The following FLI1 variants were observed in gnomAD, a reference collection of about 807,000 sequenced individuals.
FLI1 encodes the protein Friend leukemia integration 1 transcription factor.
A neutral mutation model predicts 53.1 loss-of-function variants in FLI1; 13 were observed. The ratio of observed to expected loss-of-function variants is 0.24; its 90% CI spans 0.16 to 0.39. The LOEUF (loss-of-function observed/expected upper bound fraction) is 0.39. FLI1 is among the 10% of genes least tolerant of loss of function. FLI1 has a pLI of 1.00. For missense variants in FLI1, 424 were observed against 600.5 expected (o/e 0.71, Z 3.07); for synonymous variants, 244 against 236.7 (o/e 1.03, Z -0.28).
chr11:128,770,125 G>A (rs1941498621), intron 3 of FLI1, among the ~76,000 whole-genome samples: 1 of 152,176 alleles, frequency 6.6e-6, no homozygotes, highest in Non-Finnish European at 1.5e-5. Context: ...GGGCAGAAGT[G>A]GCCAGACTGC....
intron 1 of FLI1, among the ~76,000 whole-genome samples, chr11:128,701,017 T>A (rs1938309579): frequency 6.6e-6 from 1 of 152,224 alleles, no homozygotes; most frequent in South Asian, 2.1e-4. Flanking sequence ...AAGATGGAAG[T>A]GGCTCCATCA....
At chr11:128,686,625 G>A in exon 1 of FLI1, 2 of 380,346 alleles carry the variant, frequency 5.3e-6, no homozygotes, top group Middle Eastern at 3.7e-4. Flanking sequence ...TCCCTCCCAG[G>A]CTGGTTCTTG....
At chr11:128,722,467 G>T (rs1364873403) in intron 1 of FLI1, among the ~76,000 whole-genome samples, 1 of 152,216 alleles carries the variant, frequency 6.6e-6, no homozygotes, top group Admixed American at 6.5e-5. Context: ...TTCCTGCTGT[G>T]CCCACTGCCC....
intron 3 of FLI1, among the ~76,000 whole-genome samples, chr11:128,769,447 G>A (rs1006381632): frequency 6.6e-6 from 1 of 152,180 alleles, no homozygotes; most frequent in African/African-American, 2.4e-5. Flanking sequence ...GTAGTCCGAA[G>A]GCATCTGCTT....
rs370476192 is a variant in FLI1 at position 128,745,683 on chromosome 11, G to A, written c.19-12432G>A. Among the ~76,000 whole-genome samples the A allele has an allele frequency of 7.2e-5, 11 of 152,346 alleles. No individual in the cohort carries two copies. The South Asian group carries it at 2.1e-3, about 29-fold the overall frequency. On this transcript the variant is annotated intron_variant, in intron 1 of 8. Coordinates refer to ENST00000527786, the MANE Select transcript of FLI1 (RefSeq NM_002017.5). ...AATAAAATGGATGCACGCCTCATCT[G>A]TGCGTCGAGTTGAAGCGGCATTCTT...
chr11:128,694,137 A>T lies in FLI1; in HGVS notation c.-122A>T, dbSNP rs1937906739. 9.4e-7 allele frequency: 1 copy of T among 1,065,396 alleles called. No individual in the cohort carries two copies. Among genetic ancestry groups the T allele is most frequent in the Non-Finnish European group, 1.3e-6 (1 of 768,002 alleles). The allele number at this position is 1,065,396 out of a possible 1,614,324, so 66.0% of individuals were successfully genotyped here. ...TGAGGGCAGGGCGCTCGCAGGGGGC[A>T]CGCAGGGAGGGCCCAGGGCGCCAGG... On this transcript the variant is annotated 5_prime_UTR_variant, in exon 1 of 9. Coordinates refer to ENST00000527786, the MANE Select transcript of FLI1 (RefSeq NM_002017.5).
Position 128,746,637 on chromosome 11 carries a change from C to T in FLI1, c.19-11478C>T, listed in dbSNP as rs186941713. ...TCTTTCTCAAGCAATAGGAAAGCTC[C>T]GGAACTCCATCCTGGCTCCCAGGCT... On this transcript the variant is annotated intron_variant, in intron 1 of 8. Coordinates refer to ENST00000527786, the MANE Select transcript of FLI1 (RefSeq NM_002017.5). Among the ~76,000 whole-genome samples the T allele has an allele frequency of 2.6e-3, 392 of 152,260 alleles. 2 individuals are homozygous for T. The highest frequency in any genetic ancestry group is 8.1e-3 in the African/African-American group (337 of 41,552).
chr11:128,808,049 A>G (rs928229582), intron 7 of FLI1, among the ~76,000 whole-genome samples: 3 of 152,224 alleles, frequency 2.0e-5, no homozygotes, highest in African/African-American at 7.2e-5. Context: ...GCAAGAGAAA[A>G]TCAACTGACA....
intron 1 of FLI1, among the ~76,000 whole-genome samples, chr11:128,739,426 A>AC (rs1940038106): frequency 6.6e-6 from 1 of 151,574 alleles, no homozygotes; most frequent in African/African-American, 2.4e-5. Context: ...CCACCCCTCA[A>AC]CCCCCCTGCC....
chr11:128,746,653 C>T (rs956745925), intron 1 of FLI1, among the ~76,000 whole-genome samples: 1 of 152,200 alleles, frequency 6.6e-6, no homozygotes. Flanking sequence ...TCCATCCTGG[C>T]TCCCAGGCTA....
chr11:128,771,109 T>G (rs561672997), intron 3 of FLI1, among the ~76,000 whole-genome samples: 1 of 152,284 alleles, frequency 6.6e-6, no homozygotes, highest in South Asian at 2.1e-4. Context: ...AAGACTCCAT[T>G]TTGCATCTGT....
intron 4 of FLI1, among the ~76,000 whole-genome samples, chr11:128,774,694 C>G (rs1941680807): frequency 1.3e-5 from 2 of 152,216 alleles, no homozygotes; most frequent in African/African-American, 4.8e-5. Context: ...CTTCGAGACT[C>G]TTCGGCGGAT....
At position 128,785,213 on chromosome 11, in the gene FLI1, C is replaced by T. The variant is rs143197688; in HGVS notation, c.655+3190C>T. Among the ~76,000 whole-genome samples the T allele has an allele frequency of 1.4e-3, 206 of 152,042 alleles. 1 individual carries two copies. The highest frequency in any genetic ancestry group is 4.7e-3 in the African/African-American group (196 of 41,484). On this transcript the variant is annotated intron_variant, in intron 5 of 8. Transcript: ENST00000527786. ...TACCTTTAGTTTATCAAGGCTAAGGCACTTAAAAAAATAAACTAGGATAAA... is the reference window on the plus strand; with the variant it reads ...TACCTTTAGTTTATCAAGGCTAAGGTACTTAAAAAAATAAACTAGGATAAA...
At chr11:128,770,919 G>T (rs766179083) in intron 3 of FLI1, among the ~76,000 whole-genome samples, 1 of 152,194 alleles carries the variant, frequency 6.6e-6, no homozygotes, top group East Asian at 1.9e-4. Flanking sequence ...GAGGAGCTCC[G>T]CTTTCTGGCT....
chr11:128,745,865 G>C (rs570570604), intron 1 of FLI1, among the ~76,000 whole-genome samples: 1 of 152,138 alleles, frequency 6.6e-6, no homozygotes, highest in African/African-American at 2.4e-5. Context: ...ATGTTTCCTC[G>C]TGGGCTCCCT....
chr11:128,785,750 C>G (rs1485985457), intron 5 of FLI1, among the ~76,000 whole-genome samples: 1 of 152,180 alleles, frequency 6.6e-6, no homozygotes, highest in East Asian at 1.9e-4. Flanking sequence ...AATACTGACT[C>G]TAGGACAAAC....
At chr11:128,800,381 T>C (rs1942596803) in intron 5 of FLI1, among the ~76,000 whole-genome samples, 1 of 152,184 alleles carries the variant, frequency 6.6e-6, no homozygotes, top group Non-Finnish European at 1.5e-5. Flanking sequence ...AGAGAGGCTT[T>C]TGTGGGCTGA....
At chr11:128,706,065 G>A (rs753671391) in intron 1 of FLI1, among the ~76,000 whole-genome samples, 2 of 152,068 alleles carry the variant, frequency 1.3e-5, no homozygotes, top group African/African-American at 2.4e-5. Context: ...CCTCATACAC[G>A]CATACACCTT....
At chr11:128,702,532 G>C (rs1259153719) in intron 1 of FLI1, among the ~76,000 whole-genome samples, 1 of 152,158 alleles carries the variant, frequency 6.6e-6, no homozygotes, top group African/African-American at 2.4e-5. Context: ...TTCTTCTTCT[G>C]ATTCTCCCTT....
Sources: allele counts gnomAD v4.1 joint callset (sites outside exome capture counted in the v4.1 genomes callset), GRCh38; gene constraint gnomAD v4.1.1; transcripts MANE v1.5; gene names NCBI Gene and HGNC (gene_info 2026-07-23, HGNC 2026-07-21).